Variants in PIK3C2G observed in about 807,000 individuals in gnomAD.
PIK3C2G encodes phosphatidylinositol 3-kinase C2 domain-containing subunit gamma.
A neutral mutation model predicts 181.1 loss-of-function variants in PIK3C2G; 168 were observed. The observed-to-expected ratio is 0.93, with a 90% confidence interval of 0.82 to 1.05. The LOEUF is 1.05. PIK3C2G is among the 50% of genes least tolerant of loss of function. The pLI is 0.00. For synonymous variants in PIK3C2G, 573 were observed against 592.2 expected (o/e 0.97, Z 0.47); for missense variants, 1,869 against 1,732.8 (o/e 1.08, Z -1.40).
intron 10 of PIK3C2G, among the ~76,000 whole-genome samples, chr12:18,345,658 G>A (rs1031092101): frequency 6.6e-6 from 1 of 152,022 alleles, no homozygotes; most frequent in Non-Finnish European, 1.5e-5. Flanking sequence ...CAAACAATTA[G>A]AAACAAAAGG....
intron 31 of PIK3C2G, among the ~76,000 whole-genome samples, chr12:18,636,090 G>A (rs1949588817): frequency 1.3e-5 from 2 of 152,180 alleles, no homozygotes; most frequent in Non-Finnish European, 1.5e-5. Context: ...CAGTGTAATG[G>A]ACCAGTGTGT....
chr12:18,436,455 C>T (rs777585513), intron 18 of PIK3C2G, among the ~76,000 whole-genome samples: 2 of 152,000 alleles, frequency 1.3e-5, no homozygotes, highest in Non-Finnish European at 2.9e-5. Flanking sequence ...TGAATAAAAG[C>T]AGATTCTTTT....
chr12:18,311,712 T>C (rs1180736630), intron 5 of PIK3C2G, among the ~76,000 whole-genome samples: 1 of 152,032 alleles, frequency 6.6e-6, no homozygotes, highest in African/African-American at 2.4e-5. Flanking sequence ...TTATAGATAC[T>C]AGATGTATTA....
In PIK3C2G at chr12:18,450,064, C is replaced by T. The variant is rs114743059; in HGVS notation, c.2504+26025C>T. On this transcript the variant is annotated intron_variant, in intron 18 of 32. Coordinates refer to ENST00000538779, the MANE Select transcript of PIK3C2G (RefSeq NM_001288772.2). The stretch of plus-strand genomic sequence containing the variant: ...AGCTTTTTTTCACGTTTTTTGGCCA[C>T]ATAAGTGTCTTCTGTTGAGAAGTGT... Among the ~76,000 whole-genome samples the T allele has an allele frequency of 7.0e-3, 1,069 of 152,266 alleles. 5 individuals carry two copies. The highest frequency in any genetic ancestry group is 0.019 in the African/African-American group (784 of 41,542).
At chr12:18,604,628 T>C (rs1947914742) in intron 30 of PIK3C2G, among the ~76,000 whole-genome samples, 1 of 152,200 alleles carries the variant, frequency 6.6e-6, no homozygotes, top group Non-Finnish European at 1.5e-5. Context: ...TTCTCCAAGA[T>C]AGACCATATG....
downstream of PIK3C2G, among the ~76,000 whole-genome samples, chr12:18,651,180 C>T (rs926755237): frequency 4.6e-5 from 7 of 152,044 alleles, no homozygotes; most frequent in African/African-American, 1.7e-4. Context: ...ACTCCAGGCA[C>T]GCTTCATCCC....
intron 29 of PIK3C2G, among the ~76,000 whole-genome samples, chr12:18,593,068 T>A (rs1565541130): frequency 6.6e-6 from 1 of 151,920 alleles, no homozygotes; most frequent in Non-Finnish European, 1.5e-5. Flanking sequence ...GATGGTCATC[T>A]TCTTCCTATG....
intron 18 of PIK3C2G, among the ~76,000 whole-genome samples, chr12:18,443,438 C>T (rs575303361): frequency 1.2e-4 from 18 of 146,914 alleles, no homozygotes; most frequent in Middle Eastern, 3.5e-3. Flanking sequence ...TATTTCATAC[C>T]CTATTATGGC....
At chr12:18,298,952 C>A (rs1950062528) in intron 5 of PIK3C2G, among the ~76,000 whole-genome samples, 1 of 151,818 alleles carries the variant, frequency 6.6e-6, no homozygotes, top group Admixed American at 6.6e-5. Context: ...GTTACGATAA[C>A]TTTGTAATGT....
At chr12:18,681,699 AAT>A in the PIK3C2G span, among the ~76,000 whole-genome samples, 1 of 152,096 alleles carries the variant, frequency 6.6e-6, no homozygotes, top group African/African-American at 2.4e-5. Flanking sequence ...CCGTATTCCT[AAT>A]ATAGAGTGGA....
intron 31 of PIK3C2G, among the ~76,000 whole-genome samples, chr12:18,629,569 A>G (rs1949258000): frequency 6.6e-6 from 1 of 152,214 alleles, no homozygotes; most frequent in South Asian, 2.1e-4. Flanking sequence ...TGTTACAAAT[A>G]AAGTCTGGCT....
intron 5 of PIK3C2G, among the ~76,000 whole-genome samples, chr12:18,295,418 G>A (rs978056798): frequency 6.6e-6 from 1 of 151,804 alleles, no homozygotes; most frequent in African/African-American, 2.4e-5. Flanking sequence ...TATCCAAAGA[G>A]CAAAACATTG....
the PIK3C2G span, chr12:18,684,152 C>A: frequency 6.2e-7 from 1 of 1,611,814 alleles, no homozygotes. Flanking sequence ...ATAGAAGTGG[C>A]AAAGTATATT....
chr12:18,593,605 G>A (rs1364241153), intron 29 of PIK3C2G, among the ~76,000 whole-genome samples: 1 of 151,878 alleles, frequency 6.6e-6, no homozygotes, highest in Non-Finnish European at 1.5e-5. Context: ...GTGCCCTTTA[G>A]ATAATAATGT....
At chr12:18,718,960 T>C in the PIK3C2G span, among the ~76,000 whole-genome samples, 2 of 152,190 alleles carry the variant, frequency 1.3e-5, no homozygotes, top group Non-Finnish European at 2.9e-5. Context: ...CTCTTTAACA[T>C]ACAAGTCTAT....
intron 14 of PIK3C2G, among the ~76,000 whole-genome samples, chr12:18,383,697 C>T (rs1321529632): frequency 2.0e-5 from 3 of 151,994 alleles, no homozygotes; most frequent in Non-Finnish European, 4.4e-5. Flanking sequence ...CAGGTTTGGA[C>T]ATGATTATCT....
At chr12:18,597,752 T>C (rs925814673) in intron 30 of PIK3C2G, among the ~76,000 whole-genome samples, 15 of 151,796 alleles carry the variant, frequency 9.9e-5, no homozygotes, top group African/African-American at 1.9e-4. Context: ...GAAAACCCCA[T>C]TGTCTCAGCC....
the PIK3C2G span, among the ~76,000 whole-genome samples, chr12:18,707,811 T>C: frequency 1.3e-5 from 2 of 152,298 alleles, no homozygotes; most frequent in South Asian, 2.1e-4. Context: ...GGAAGTCTCA[T>C]TGAGTCTCCA....
At chr12:18,277,131 T>C (rs564888631) in intron 1 of PIK3C2G, among the ~76,000 whole-genome samples, 1 of 152,304 alleles carries the variant, frequency 6.6e-6, no homozygotes, top group Admixed American at 6.5e-5. Context: ...TGAGATAATG[T>C]AAATAATAAA....
Sources: allele counts gnomAD v4.1 joint callset (sites outside exome capture counted in the v4.1 genomes callset), GRCh38; gene constraint gnomAD v4.1.1; transcripts MANE v1.5; gene names NCBI Gene and HGNC (gene_info 2026-07-23, HGNC 2026-07-21).